THSD7B: variants seen among roughly 807,000 people sequenced by gnomAD.
THSD7B encodes the protein thrombospondin type 1 domain containing 7B.
A neutral mutation model predicts 213.6 loss-of-function variants in THSD7B; 138 were observed. The ratio of observed to expected loss-of-function variants is 0.65; its 90% CI spans 0.56 to 0.74. The LOEUF (loss-of-function observed/expected upper bound fraction) is 0.74, where lower values mean the gene tolerates loss of function less well. Ranked by LOEUF, THSD7B falls within the 30% of genes least tolerant of loss-of-function variation. The pLI is 0.00. For synonymous variants in THSD7B, 742 were observed against 687.0 expected, an observed-to-expected ratio of 1.08 and a Z score of -1.25; for missense variants, 1,931 against 1,991.5, an observed-to-expected ratio of 0.97 and a Z score of 0.58.
At chr2:137,572,615 G>T in intron 17 of THSD7B, 59 bp downstream of exon 17, 2 of 1,582,534 alleles carry the variant, frequency 1.3e-6, no homozygotes, top group South Asian at 2.3e-5. Flanking sequence ...ACTGTTGTTC[G>T]TTGTGCATTC....
intron 3 of THSD7B, among the ~76,000 whole-genome samples, chr2:137,058,852 A>G (rs891476082): frequency 5.3e-5 from 8 of 152,154 alleles, no homozygotes; most frequent in African/African-American, 1.9e-4. Flanking sequence ...AAGCCAGAAG[A>G]GAGAACCCAC....
chr2:137,656,479 C>A (rs1056203782), intron 22 of THSD7B, among the ~76,000 whole-genome samples: 19 of 152,076 alleles, frequency 1.2e-4, no homozygotes, highest in African/African-American at 4.6e-4. Flanking sequence ...CACTGAGTTA[C>A]CATAATCTTT....
intron 1 of THSD7B, among the ~76,000 whole-genome samples, chr2:136,783,274 T>G (rs1375250639): frequency 6.6e-6 from 1 of 152,146 alleles, no homozygotes; most frequent in Non-Finnish European, 1.5e-5. Flanking sequence ...TATGGCTTAG[T>G]GTGTTATTCT....
At chr2:137,479,578 T>A in intron 15 of THSD7B, 1 of 247,326 alleles carries the variant, frequency 4.0e-6, no homozygotes, top group South Asian at 3.2e-5. Context: ...CCCCAGTTAG[T>A]GGCTGCAAGC....
chr2:137,398,256 C>A (rs1686247427), intron 12 of THSD7B, among the ~76,000 whole-genome samples: 1 of 149,202 alleles, frequency 6.7e-6, no homozygotes, highest in African/African-American at 2.4e-5. Context: ...TTTAGAGTTT[C>A]CAGTTTTTCT....
intron 2 of THSD7B, among the ~76,000 whole-genome samples, chr2:137,046,136 G>T (rs571273853): frequency 3.8e-4 from 58 of 152,122 alleles, no homozygotes; most frequent in Admixed American, 6.5e-4. Context: ...TCTAGCTTCA[G>T]TAATGTGCAA....
At chr2:137,365,223 C>A (rs558441188) in intron 12 of THSD7B, among the ~76,000 whole-genome samples, 9 of 152,278 alleles carry the variant, frequency 5.9e-5, no homozygotes, top group African/African-American at 2.2e-4. Context: ...TTCCTTACAC[C>A]TTATACAAAA....
intron 5 of THSD7B, among the ~76,000 whole-genome samples, chr2:137,116,578 A>G (rs1688450221): frequency 6.6e-6 from 1 of 152,128 alleles, no homozygotes; most frequent in South Asian, 2.1e-4. Context: ...TGACCTACCT[A>G]TTTTTCAGCT....
At chr2:136,896,127 A>T (rs1683956070) in intron 2 of THSD7B, among the ~76,000 whole-genome samples, 1 of 152,186 alleles carries the variant, frequency 6.6e-6, no homozygotes, top group Admixed American at 6.5e-5. Flanking sequence ...TCTTGTATGG[A>T]ATATACATGC....
At chr2:137,020,248 G>C (rs1686417738) in intron 2 of THSD7B, among the ~76,000 whole-genome samples, 1 of 152,076 alleles carries the variant, frequency 6.6e-6, no homozygotes, top group Non-Finnish European at 1.5e-5. Context: ...AAGCAGAGGG[G>C]GTGATCCAAA....
At chr2:136,857,337 A>G (rs1683192987) in intron 1 of THSD7B, among the ~76,000 whole-genome samples, 1 of 152,190 alleles carries the variant, frequency 6.6e-6, no homozygotes, top group Admixed American at 6.5e-5. Context: ...AACCACTCTG[A>G]TCCCACTGGG....
At chr2:137,654,136 C>G (rs1478555681) in intron 21 of THSD7B, among the ~76,000 whole-genome samples, 2 of 151,986 alleles carry the variant, frequency 1.3e-5, no homozygotes, top group Non-Finnish European at 2.9e-5. Flanking sequence ...TTCTGGCCTT[C>G]TTTTTAGCAC....
chr2:137,599,883 T>C (rs1290164348), intron 17 of THSD7B, among the ~76,000 whole-genome samples: 1 of 152,170 alleles, frequency 6.6e-6, no homozygotes, highest in Admixed American at 6.5e-5. Flanking sequence ...GGTTGGGTCA[T>C]CATTCATGTA....
At chr2:137,076,326 G>C (rs1687622033) in intron 3 of THSD7B, among the ~76,000 whole-genome samples, 1 of 152,224 alleles carries the variant, frequency 6.6e-6, no homozygotes, top group South Asian at 2.1e-4. Context: ...CCGCCTTGCA[G>C]TTTGGTCTGG....
chr2:137,163,393 C>G (rs1680056568), intron 6 of THSD7B, among the ~76,000 whole-genome samples: 1 of 152,134 alleles, frequency 6.6e-6, no homozygotes, highest in Non-Finnish European at 1.5e-5. Flanking sequence ...ATTCCAGTGA[C>G]TGGTGTTCTT....
At chr2:137,178,582 A>G (rs989823878) in intron 7 of THSD7B, among the ~76,000 whole-genome samples, 2 of 152,220 alleles carry the variant, frequency 1.3e-5, no homozygotes, top group African/African-American at 4.8e-5. Context: ...CAGTGAAATT[A>G]AAGATGAAAC....
At chr2:137,451,915 TC>T (rs1010400616) in intron 15 of THSD7B, 27 of 238,694 alleles carry the variant, frequency 1.1e-4, no homozygotes, top group Non-Finnish European at 1.8e-4. Context: ...TACACATGCT[TC>T]TATTACTAAT....
chr2:137,524,932 C>G (rs1573684744), intron 15 of THSD7B, among the ~76,000 whole-genome samples: 1 of 151,992 alleles, frequency 6.6e-6, no homozygotes, highest in East Asian at 1.9e-4. Flanking sequence ...TGGCATTTTG[C>G]TATTCACTCT....
At chr2:137,634,410 G>A (rs956131744) in intron 20 of THSD7B, among the ~76,000 whole-genome samples, 2 of 152,128 alleles carry the variant, frequency 1.3e-5, no homozygotes, top group African/African-American at 4.8e-5. Context: ...GTGCACTGGA[G>A]TTTATAGGTA....
Sources: gnomAD v4.1 joint callset for allele counts (sites outside exome capture counted in the v4.1 genomes callset) on GRCh38, gnomAD v4.1.1 for gene constraint, MANE v1.5 for transcripts, NCBI Gene and HGNC (gene_info 2026-07-23, HGNC 2026-07-21) for gene names.